MACROD2: variants seen among roughly 807,000 people sequenced by gnomAD.
MACROD2 encodes ADP-ribose glycohydrolase MACROD2.
In MACROD2, 36 loss-of-function variants were observed where a neutral mutation model predicts 70.4. The ratio of observed to expected loss-of-function variants is 0.51; its 90% CI spans 0.39 to 0.68. The LOEUF is 0.68. Among genes scored for constraint, MACROD2 ranks in the 30% least tolerant of loss-of-function variants. MACROD2 has a pLI of 0.00. For synonymous variants in MACROD2, 172 were observed against 178.8 expected (o/e 0.96, Z 0.30); for missense variants, 496 against 538.4 (o/e 0.92, Z 0.78).
intron 6 of MACROD2, among the ~76,000 whole-genome samples, chr20:15,284,881 A>G (rs1600196554): frequency 6.6e-6 from 1 of 152,220 alleles, no homozygotes; most frequent in East Asian, 1.9e-4. Context: ...TATATGGCAC[A>G]AAAACAATGT....
chr20:14,149,488 T>C (rs1468590298), intron 3 of MACROD2, among the ~76,000 whole-genome samples: 2 of 152,164 alleles, frequency 1.3e-5, no homozygotes, highest in African/African-American at 2.4e-5. Context: ...CCATTTATTT[T>C]CTCTTGGATA....
At chr20:14,409,536 A>T (rs2083727233) in intron 3 of MACROD2, among the ~76,000 whole-genome samples, 1 of 152,026 alleles carries the variant, frequency 6.6e-6, no homozygotes, top group African/African-American at 2.4e-5. Context: ...CGATGATGGG[A>T]TTGAAATCCA....
chr20:14,727,287 T>A (rs1311663114), intron 5 of MACROD2, among the ~76,000 whole-genome samples: 1 of 152,038 alleles, frequency 6.6e-6, no homozygotes, highest in Non-Finnish European at 1.5e-5. Context: ...ACCCAGCACT[T>A]TGGGAGGCTG....
At chr20:15,424,200 C>T (rs1040547117) in intron 6 of MACROD2, among the ~76,000 whole-genome samples, 9 of 152,126 alleles carry the variant, frequency 5.9e-5, no homozygotes, top group Non-Finnish European at 1.3e-4. Flanking sequence ...TGCAGAGGAA[C>T]TGCAAAATTA....
At chr20:15,708,289 T>G (rs1381311459) in intron 8 of MACROD2, among the ~76,000 whole-genome samples, 2 of 152,068 alleles carry the variant, frequency 1.3e-5, no homozygotes, top group Admixed American at 1.3e-4. Context: ...GCAAATTATA[T>G]AATTTGTAGG....
chr20:14,455,073 A>G (rs1055512788), intron 3 of MACROD2, among the ~76,000 whole-genome samples: 2 of 151,794 alleles, frequency 1.3e-5, no homozygotes, highest in African/African-American at 4.9e-5. Context: ...TGCATTTCAC[A>G]TTGGTACCTG....
chr20:15,618,029 G>C (rs979746559), intron 8 of MACROD2, among the ~76,000 whole-genome samples: 13 of 151,998 alleles, frequency 8.6e-5, no homozygotes, highest in African/African-American at 2.9e-4. Flanking sequence ...GATCGAGATG[G>C]GGGGTTTTTG....
chr20:15,461,739 T>C (rs2046821791), intron 7 of MACROD2, among the ~76,000 whole-genome samples: 1 of 152,174 alleles, frequency 6.6e-6, no homozygotes, highest in Admixed American at 6.5e-5. Flanking sequence ...TCAGAAAATA[T>C]CTATTGAATA....
intron 8 of MACROD2, among the ~76,000 whole-genome samples, chr20:15,586,647 T>A (rs1158746331): frequency 6.6e-6 from 1 of 152,188 alleles, no homozygotes; most frequent in Non-Finnish European, 1.5e-5. Flanking sequence ...AATTTATCAT[T>A]ATTCTGGAGG....
At chr20:15,784,859 A>G (rs2147045226) in intron 8 of MACROD2, among the ~76,000 whole-genome samples, 1 of 152,204 alleles carries the variant, frequency 6.6e-6, no homozygotes, top group South Asian at 2.1e-4. Context: ...ATTAAAAATC[A>G]CGGAGTAGGC....
intron 4 of MACROD2, among the ~76,000 whole-genome samples, chr20:14,621,137 C>T (rs981109482): frequency 1.1e-4 from 16 of 151,986 alleles, no homozygotes; most frequent in African/African-American, 3.6e-4. Flanking sequence ...ATAATACTGG[C>T]ATAAGTCACA....
chr20:15,378,376 G>T (rs1442229956), intron 6 of MACROD2, among the ~76,000 whole-genome samples: 1 of 151,694 alleles, frequency 6.6e-6, no homozygotes, highest in African/African-American at 2.4e-5. Context: ...ATGAGGAGAT[G>T]ATACTGTGCT....
chr20:14,108,014 G>A (rs949471479), intron 3 of MACROD2, among the ~76,000 whole-genome samples: 10 of 152,016 alleles, frequency 6.6e-5, no homozygotes, highest in Non-Finnish European at 1.5e-4. Context: ...AACTACTCAA[G>A]TACAAAGACT....
chr20:15,766,915 A>G (rs1321547158), intron 8 of MACROD2, among the ~76,000 whole-genome samples: 1 of 152,170 alleles, frequency 6.6e-6, no homozygotes, highest in Non-Finnish European at 1.5e-5. Context: ...GAAGGGATCC[A>G]CCTAGCCAGA....
chr20:14,415,275 G>A (rs1052379362), intron 3 of MACROD2, among the ~76,000 whole-genome samples: 2 of 152,016 alleles, frequency 1.3e-5, no homozygotes, highest in African/African-American at 4.8e-5. Context: ...CTTAGATTTT[G>A]TAAAATGTTA....
At chr20:15,180,748 C>T (rs1937079282) in intron 5 of MACROD2, among the ~76,000 whole-genome samples, 1 of 152,240 alleles carries the variant, frequency 6.6e-6, no homozygotes, top group Non-Finnish European at 1.5e-5. Flanking sequence ...GCCTTGGCCT[C>T]CCAAAGTTCT....
intron 5 of MACROD2, among the ~76,000 whole-genome samples, chr20:15,001,614 A>G (rs549876161): frequency 6.6e-6 from 1 of 152,206 alleles, no homozygotes; most frequent in Non-Finnish European, 1.5e-5. Context: ...ATTTGAAAAC[A>G]AAAGTTTAAA....
intron 5 of MACROD2, among the ~76,000 whole-genome samples, chr20:15,066,035 G>C (rs1317316196): frequency 1.3e-5 from 2 of 152,106 alleles, no homozygotes; most frequent in Non-Finnish European, 2.9e-5. Flanking sequence ...ATTCTATCCG[G>C]TGGCTACCTA....
intron 8 of MACROD2, among the ~76,000 whole-genome samples, chr20:15,861,723 C>T (rs140965732): frequency 0.014 from 2,066 of 152,086 alleles, 25 homozygotes; most frequent in Admixed American, 0.038. Context: ...ATCTCCTTTT[C>T]TACTGGGAAC....
Sources: allele counts gnomAD v4.1 joint callset (sites outside exome capture counted in the v4.1 genomes callset), GRCh38; gene constraint gnomAD v4.1.1; transcripts MANE v1.5; gene names NCBI Gene and HGNC (gene_info 2026-07-23, HGNC 2026-07-21).